Variants in PXDC1 observed in about 807,000 individuals in gnomAD.
The protein encoded by PXDC1 is PX domain containing 1.
In PXDC1, 13 loss-of-function variants were observed where a neutral mutation model predicts 24.4. The ratio of observed to expected loss-of-function variants is 0.53; its 90% CI spans 0.35 to 0.85. The LOEUF (loss-of-function observed/expected upper bound fraction) is 0.85, where lower values mean the gene tolerates loss of function less well. Among genes scored for constraint, PXDC1 ranks in the 40% least tolerant of loss-of-function variants. The pLI is 0.01. For missense variants in PXDC1, 344 were observed against 309.3 expected (o/e 1.11, Z -0.84); for synonymous variants, 162 against 124.9 (o/e 1.30, Z -1.98).
intron 1 of PXDC1, among the ~76,000 whole-genome samples, chr6:3,741,691 A>G (rs1282155218): frequency 6.6e-6 from 1 of 152,214 alleles, no homozygotes; most frequent in African/African-American, 2.4e-5. Context: ...TCCAGCTGCT[A>G]CCACCAGAGC....
At chr6:3,731,702 C>T (rs974426188) in intron 3 of PXDC1, among the ~76,000 whole-genome samples, 5 of 152,242 alleles carry the variant, frequency 3.3e-5, no homozygotes, top group Non-Finnish European at 7.3e-5. Context: ...TGGTCTTCTG[C>T]GACCTCTGAC....
At chr6:3,751,168 G>A (rs1760706496) in intron 1 of PXDC1, 108 bp downstream of exon 1, 2 of 880,760 alleles carry the variant, frequency 2.3e-6, no homozygotes, top group African/African-American at 1.8e-5. Flanking sequence ...TGTCCAGGGC[G>A]GGCAGAAAGG....
chr6:3,736,975 GAA>G (rs1760332799), intron 3 of PXDC1, 102 bp downstream of exon 3: 2 of 739,088 alleles, frequency 2.7e-6, no homozygotes, highest in African/African-American at 3.5e-5. Flanking sequence ...TGTCTTTCTG[GAA>G]AAGTGTGGCC....
At chr6:3,731,273 G>C (rs1221314052) in intron 3 of PXDC1, among the ~76,000 whole-genome samples, 1 of 152,196 alleles carries the variant, frequency 6.6e-6, no homozygotes, top group African/African-American at 2.4e-5. Context: ...TTTCCTCACA[G>C]CTATTATGAT....
At chr6:3,729,948 T>C (rs1167731284) in intron 3 of PXDC1, among the ~76,000 whole-genome samples, 2 of 152,216 alleles carry the variant, frequency 1.3e-5, no homozygotes, top group East Asian at 1.9e-4. Context: ...AATGTGAAAT[T>C]TGGAGCTCTA....
At chr6:3,741,456 A>G (rs561949374) in intron 1 of PXDC1, among the ~76,000 whole-genome samples, 1 of 152,338 alleles carries the variant, frequency 6.6e-6, no homozygotes, top group East Asian at 1.9e-4. Flanking sequence ...GGGCACGTCC[A>G]TTATTGAATT....
rs199554846 is a variant in PXDC1 at position 3,738,143 on chromosome 6, C to T, written c.262G>A (p.Val88Ile). 62 of 1,613,428 alleles carry T rather than the reference C, an allele frequency of 3.8e-5. No individual in the cohort carries two copies. The Middle Eastern group carries it at 1.5e-3, about 39-fold the overall frequency. ...LAQGPLRQGLVAIKEAHDIET... is the reference protein window; with the variant it reads ...LAQGPLRQGLIAIKEAHDIET... ...ATGTCGTGGGCTTCCTTTATGGCAA[C>T]CAGTCCTAGAATTGAGACAGAAATG... is the stretch of plus-strand genomic sequence containing the variant. Residue 88 changes from valine to isoleucine, a missense_variant, in exon 2 of 5, where the codon GTT becomes ATT. Transcript: ENST00000380283.
chr6:3,751,375 G>A lies in PXDC1; in HGVS notation c.157C>T (p.Leu53=), dbSNP rs773670186. ...TEWSDRSVLY[L]HRSLADLGRL... is the part of the protein sequence containing the mutation. ...CCCAGGTCCGCCAGGCTGCGGTGCA[G>A]GTAGAGCACGCTGCGGTCCGACCAC... is the stretch of plus-strand genomic sequence containing the variant. The change falls in exon 1 of 5, where the codon CTG becomes TTG. Residue 53 remains leucine, a synonymous_variant. Transcript: ENST00000380283. 1.5e-5 allele frequency: 23 copies of A among 1,564,316 alleles called. No homozygotes were observed. Among genetic ancestry groups the A allele is most frequent in the African/African-American group, 2.7e-5 (2 of 73,462 alleles).
intron 3 of PXDC1, among the ~76,000 whole-genome samples, chr6:3,732,659 T>C (rs1447656192): frequency 2.0e-5 from 3 of 152,248 alleles, no homozygotes; most frequent in Non-Finnish European, 4.4e-5. Flanking sequence ...ATGCAGTCCA[T>C]CCTGACTGTC....
intron 3 of PXDC1, among the ~76,000 whole-genome samples, chr6:3,735,468 A>T (rs1760293629): frequency 6.6e-6 from 1 of 152,270 alleles, no homozygotes; most frequent in South Asian, 2.1e-4. Context: ...GGCAACATGA[A>T]TGAGCCTGCA....
Position 3,723,346 on chromosome 6 carries a change from G to T in PXDC1, c.*273C>A. On this transcript the variant is annotated 3_prime_UTR_variant, in exon 5 of 5. Coordinates refer to ENST00000380283, the MANE Select transcript of PXDC1 (RefSeq NM_183373.4). Reference sequence around the variant, plus strand: ...CTGCCCTGGCAGTGCGCAGCCCTGTGGGCACCAAGCAGGGAGTGAAGACCC... The same window carrying T: ...CTGCCCTGGCAGTGCGCAGCCCTGTTGGCACCAAGCAGGGAGTGAAGACCC... 1 of 494,950 alleles carries T rather than the reference G, an allele frequency of 2.0e-6. No homozygotes were observed. Among genetic ancestry groups the T allele is most frequent in the East Asian group, 3.2e-5 (1 of 31,728 alleles). The allele number at this position is 494,950 out of a possible 1,614,324, so 30.7% of individuals were successfully genotyped here. A position where few individuals can be genotyped will look rare whatever the true frequency, so the allele number is the denominator to read the frequency against.
Position 3,738,763 on chromosome 6 carries a change from G to A in PXDC1, c.257-615C>T, listed in dbSNP as rs1033034593. On this transcript the variant is annotated intron_variant, in intron 1 of 4. Coordinates refer to ENST00000380283, the MANE Select transcript of PXDC1 (RefSeq NM_183373.4). Reference sequence around the variant, plus strand: ...ACGGTCACCACACACCCGAGTGGCTGTCAGGCAGCATAATATTTTATTTTT... The same window carrying A: ...ACGGTCACCACACACCCGAGTGGCTATCAGGCAGCATAATATTTTATTTTT... The A allele has an allele frequency of 7.7e-6, 10 of 1,294,662 alleles. No individual in the cohort carries two copies. The Admixed American group carries it at 2.1e-4, about 27-fold the overall frequency. 80.2% of individuals were successfully genotyped at this position (1,294,662 alleles called of 1,614,324 possible).
At chr6:3,733,437 C>T (rs1760245813) in intron 3 of PXDC1, among the ~76,000 whole-genome samples, 1 of 152,130 alleles carries the variant, frequency 6.6e-6, no homozygotes, top group East Asian at 1.9e-4. Flanking sequence ...CCATGGTGTG[C>T]GTGGGTGTAC....
At chr6:3,730,056 T>C (rs226956) in intron 3 of PXDC1, among the ~76,000 whole-genome samples, 20,300 of 152,218 alleles carry the variant, frequency 0.13, 2,180 homozygotes, top group African/African-American at 0.25. Context: ...ACATGTGGTT[T>C]AATTATTTGC....
At chr6:3,745,427 C>T (rs1419126330) in intron 1 of PXDC1, among the ~76,000 whole-genome samples, 1 of 152,238 alleles carries the variant, frequency 6.6e-6, no homozygotes, top group Non-Finnish European at 1.5e-5. Context: ...CTCACAACGG[C>T]CCTGCGTGCG....
At chr6:3,741,538 C>T (rs1336831164) in intron 1 of PXDC1, among the ~76,000 whole-genome samples, 1 of 152,240 alleles carries the variant, frequency 6.6e-6, no homozygotes, top group Non-Finnish European at 1.5e-5. Context: ...GTGGTCCTTT[C>T]TCCACGGAGA....
intron 4 of PXDC1, among the ~76,000 whole-genome samples, chr6:3,726,098 C>T (rs148691223): frequency 1.3e-5 from 2 of 152,296 alleles, no homozygotes; most frequent in Non-Finnish European, 2.9e-5. Flanking sequence ...TGGCCTCATT[C>T]CAGGGTGCCA....
chr6:3,732,595 A>T (rs1435831466), intron 3 of PXDC1, among the ~76,000 whole-genome samples: 1 of 152,238 alleles, frequency 6.6e-6, no homozygotes, highest in Non-Finnish European at 1.5e-5. Context: ...ACATTTGATA[A>T]GCATTGGGAC....
intron 1 of PXDC1, among the ~76,000 whole-genome samples, chr6:3,740,629 T>A (rs1760431433): frequency 6.6e-6 from 1 of 152,186 alleles, no homozygotes; most frequent in South Asian, 2.1e-4. Flanking sequence ...CCCACCTACC[T>A]CACCAGCTCT....
Sources: gnomAD v4.1 joint callset for allele counts (sites outside exome capture counted in the v4.1 genomes callset) on GRCh38, gnomAD v4.1.1 for gene constraint, MANE v1.5 for transcripts, NCBI Gene and HGNC (gene_info 2026-07-23, HGNC 2026-07-21) for gene names.